The following MIB1 variants were observed in gnomAD, a reference collection of about 807,000 sequenced individuals.
The protein encoded by MIB1 is E3 ubiquitin-protein ligase MIB1.
MIB1 carries 278 observed loss-of-function variants against 124.5 expected under a neutral mutation model. The ratio of observed to expected loss-of-function variants is 2.23; its 90% CI spans 2.02 to 2.47. The LOEUF (loss-of-function observed/expected upper bound fraction) is 2.47. Ranked by LOEUF, MIB1 falls within the 30% of genes most tolerant of loss-of-function variation. The probability of loss-of-function intolerance (pLI) is 0.00; values close to 1 mark genes in which losing one functional copy is unlikely to be tolerated. For synonymous variants in MIB1, 446 were observed against 429.4 expected (o/e 1.04, Z -0.48); for missense variants, 957 against 1,254.4 (o/e 0.76, Z 3.58).
intron 12 of MIB1, among the ~76,000 whole-genome samples, chr18:21,820,963 G>T (rs1208634749): frequency 1.3e-5 from 2 of 152,130 alleles, no homozygotes; most frequent in African/African-American, 2.4e-5. Flanking sequence ...AAACACATGG[G>T]CAGTGAATGT....
intron 11 of MIB1, among the ~76,000 whole-genome samples, chr18:21,816,763 GA>G (rs2041833172): frequency 2.6e-5 from 4 of 152,244 alleles, no homozygotes; most frequent in Middle Eastern, 6.8e-3. Context: ...AGAACTGAAA[GA>G]ATAGATTTTG....
At chr18:21,768,390 A>G (rs1406065771) in intron 2 of MIB1, among the ~76,000 whole-genome samples, 2 of 152,180 alleles carry the variant, frequency 1.3e-5, no homozygotes, top group African/African-American at 4.8e-5. Context: ...TACATATTAT[A>G]TAATAAAAGC....
In MIB1 at chr18:21,863,121, G is replaced by A. The variant is rs549926529; in HGVS notation, c.2881-1405G>A. ...TTGGCCACTGTGCTCAACTGTTTGC[G>A]GGAGGGAGCACATGAACGAGCAATT... On this transcript the variant is annotated intron_variant, in intron 20 of 20. Transcript: ENST00000261537. Among the ~76,000 whole-genome samples, 531 of 152,312 alleles carry A rather than the reference G, an allele frequency of 3.5e-3. 3 individuals carry two copies. Among genetic ancestry groups the A allele is most frequent in the Admixed American group, 3.4e-3 (52 of 15,302 alleles).
intron 4 of MIB1, 26 bp from the exon 5 acceptor site, chr18:21,778,077 A>T (rs770056880): frequency 6.3e-7 from 1 of 1,578,312 alleles, no homozygotes; most frequent in East Asian, 2.2e-5. Flanking sequence ...TTCATGGGTG[A>T]TTTTTCTGGT....
rs184701424 is a variant in MIB1, at chr18:21,868,730, A to G, written c.*4064A>G. On this transcript the variant is annotated 3_prime_UTR_variant, in exon 21 of 21. Transcript: ENST00000261537. ...CTGATATTACTTGATAGTCATATAT[A>G]GCCTAGGAAATTTAACATATATATA... The G allele has an allele frequency of 2.4e-3, 366 of 152,560 alleles. 2 individuals carry two copies. Among genetic ancestry groups the G allele is most frequent in the Middle Eastern group, 6.8e-3 (2 of 292 alleles). 9.5% of individuals were successfully genotyped at this position (152,560 alleles called of 1,614,324 possible).
intron 6 of MIB1, among the ~76,000 whole-genome samples, chr18:21,782,349 C>T (rs975448051): frequency 1.3e-5 from 2 of 152,136 alleles, no homozygotes; most frequent in African/African-American, 4.8e-5. Context: ...TCTTGAACTC[C>T]TGACCTCCCG....
chr18:21,780,805 G>T (rs1460763808), intron 6 of MIB1, among the ~76,000 whole-genome samples: 1 of 152,010 alleles, frequency 6.6e-6, no homozygotes, highest in East Asian at 1.9e-4. Flanking sequence ...TTCATGTCTT[G>T]GCTATTGTGG....
intron 20 of MIB1, among the ~76,000 whole-genome samples, chr18:21,862,075 A>G (rs1369366942): frequency 6.6e-6 from 1 of 151,992 alleles, no homozygotes; most frequent in Non-Finnish European, 1.5e-5. Flanking sequence ...CTAATTTATT[A>G]TTTTTTGTAG....
intron 1 of MIB1, among the ~76,000 whole-genome samples, chr18:21,732,446 G>A (rs960665932): frequency 2.0e-5 from 3 of 151,774 alleles, no homozygotes; most frequent in African/African-American, 7.3e-5. Flanking sequence ...GCCCAGTCCA[G>A]AGTGCAGTAG....
At chr18:21,801,004 A>G (rs555624496) in intron 9 of MIB1, among the ~76,000 whole-genome samples, 2 of 152,180 alleles carry the variant, frequency 1.3e-5, no homozygotes, top group East Asian at 3.9e-4. Context: ...TTATTTTAAA[A>G]TTATTTTTTA....
At chr18:21,813,155 C>G (rs2041793165) in intron 10 of MIB1, among the ~76,000 whole-genome samples, 1 of 149,872 alleles carries the variant, frequency 6.7e-6, no homozygotes, top group African/African-American at 2.5e-5. Context: ...AACAACCATA[C>G]AGTGTTAGTG....
At chr18:21,764,400 TC>T (rs1274918898) in intron 1 of MIB1, among the ~76,000 whole-genome samples, 1 of 152,186 alleles carries the variant, frequency 6.6e-6, no homozygotes, top group African/African-American at 2.4e-5. Flanking sequence ...GGTTTGTTTT[TC>T]TTTCTTATCG....
upstream of MIB1, among the ~76,000 whole-genome samples, chr18:21,738,892 C>CAAAAAAAAAAAA (rs1555686438): frequency 1.0e-5 from 1 of 98,174 alleles, no homozygotes; most frequent in Non-Finnish European, 2.2e-5. Flanking sequence ...GAAGCAAGAG[C>CAAAAAAAAAAAA]AAACAAATTC....
At chr18:21,769,095 G>C (rs1479364937) in intron 3 of MIB1, among the ~76,000 whole-genome samples, 1 of 152,108 alleles carries the variant, frequency 6.6e-6, no homozygotes, top group Non-Finnish European at 1.5e-5. Context: ...CATTTGAATT[G>C]ACTTGTTTTA....
At chr18:21,770,255 T>G (rs1466452210) in intron 3 of MIB1, among the ~76,000 whole-genome samples, 1 of 152,206 alleles carries the variant, frequency 6.6e-6, no homozygotes, top group Non-Finnish European at 1.5e-5. Context: ...GAAACCATCT[T>G]GTACATGTGA....
Position 21,741,739 on chromosome 18 carries a change from G to GGAC in MIB1, c.157_159dup (p.Asp53dup). 1 of 1,611,382 alleles carries GGAC rather than the reference G, an allele frequency of 6.2e-7. No homozygotes were observed. Among genetic ancestry groups the GGAC allele is most frequent in the Non-Finnish European group, 8.5e-7 (1 of 1,179,320 alleles). On this transcript the variant is annotated inframe_insertion, in exon 1 of 21. Transcript: ENST00000261537. This position sits in a 1 kb window ranked among gnomAD's most constrained non-coding sequence, Gnocchi z 5.4. ...GCCCCGAGGAGGTGGTGGTAGTGTG[G>GGAC]GACAACGGCACAGCTGCCAACTACC...
Position 21,803,907 on chromosome 18 carries a change from G to A in MIB1, c.1372G>A (p.Val458Ile). 6.2e-7 allele frequency: 1 copy of A among 1,608,188 alleles called. No homozygotes were observed. Among genetic ancestry groups the A allele is most frequent in the Non-Finnish European group, 8.5e-7 (1 of 1,175,644 alleles). ...EDLLKRPDVD[V>I]NGQCAGHTAM... ...TCATTCTTTTTTTTAAAAAATGTAG[G>A]TAAATGGGCAATGTGCTGGCCACAC... The change falls in exon 10 of 21, where the codon GTA becomes ATA. Residue 458 changes from valine to isoleucine, a missense_variant and splice_region_variant. Val to Ile is a conservative substitution (Grantham distance 29, BLOSUM62 3). Transcript: ENST00000261537.
chr18:21,759,591 A>G (rs1403073154), intron 1 of MIB1, among the ~76,000 whole-genome samples: 1 of 152,188 alleles, frequency 6.6e-6, no homozygotes, highest in Admixed American at 6.5e-5. Flanking sequence ...GGGTATGTCC[A>G]TGTTGAATTG....
Position 21,815,667 on chromosome 18 carries a change from G to GC in MIB1, c.1532dup (p.Val512CysfsTer9), listed in dbSNP as rs1568213228. 1.2e-6 allele frequency: 2 copies of GC among 1,614,124 alleles called. No individual in the cohort carries two copies. Among genetic ancestry groups the GC allele is most frequent in the African/African-American group, 2.7e-5 (2 of 75,022 alleles). ...CCATGCAGCTTTTGGAGATGAAGGCGCTGTTATAGAAGTACTACATCGAGG... is the reference window on the plus strand; with the variant it reads ...CCATGCAGCTTTTGGAGATGAAGGCGCCTGTTATAGAAGTACTACATCGAGG... On this transcript the variant is annotated frameshift_variant, in exon 11 of 21. Coordinates refer to ENST00000261537, the MANE Select transcript of MIB1 (RefSeq NM_020774.4). LOFTEE classifies it high-confidence loss of function.
Sources: allele counts gnomAD v4.1 joint callset (sites outside exome capture counted in the v4.1 genomes callset), GRCh38; gene constraint gnomAD v4.1.1; non-coding constraint Gnocchi (gnomAD v3.1); transcripts MANE v1.5; gene names NCBI Gene and HGNC (gene_info 2026-07-23, HGNC 2026-07-21).